NFASC: variants seen among roughly 807,000 people sequenced by gnomAD.
NFASC encodes the protein neurofascin homolog.
Under a neutral mutation model 147.5 loss-of-function variants are expected in NFASC, and 43 were observed. The observed-to-expected ratio is 0.29, with a 90% CI of 0.23 to 0.38. The LOEUF is 0.38. Ranked by LOEUF, NFASC falls within the 10% of genes least tolerant of loss-of-function variation. The pLI is 1.00. For synonymous variants in NFASC, 622 were observed against 665.5 expected (o/e 0.93, Z 1.01); for missense variants, 1,320 against 1,689.0 (o/e 0.78, Z 3.83).
At chr1:204,903,034 C>T (rs2085003517) in intron 1 of NFASC, among the ~76,000 whole-genome samples, 1 of 152,180 alleles carries the variant, frequency 6.6e-6, no homozygotes, top group South Asian at 2.1e-4. Flanking sequence ...ATACCATTCT[C>T]CCATCATATT....
In NFASC at chr1:205,017,378, A is replaced by T. The variant is rs2096370364; in HGVS notation, c.*839A>T. The T allele has an allele frequency of 6.5e-6, 1 of 153,042 alleles. No individual in the cohort carries two copies. Among genetic ancestry groups the T allele is most frequent in the Non-Finnish European group, 1.5e-5 (1 of 68,650 alleles). 9.5% of individuals were successfully genotyped at this position (153,042 alleles called of 1,614,324 possible). A position where few individuals can be genotyped will look rare whatever the true frequency, so the allele number is the denominator to read the frequency against. The stretch of plus-strand genomic sequence containing the variant: ...TTGAGGAACAGGAGTGGGCACTGAT[A>T]GAAAGGACTTCAACGCCAGTGACTG... On this transcript the variant is annotated 3_prime_UTR_variant, in exon 30 of 30. Coordinates refer to ENST00000339876, the MANE Select transcript of NFASC (RefSeq NM_001005388.3).
intron 23 of NFASC, chr1:204,990,612 C>T (rs993515167): frequency 2.0e-5 from 3 of 151,538 alleles, no homozygotes; most frequent in African/African-American, 7.3e-5. Context: ...GGCTCTCAGT[C>T]CAAACTTGGG....
intron 25 of NFASC, chr1:205,000,911 G>A (rs565613452): frequency 3.4e-4 from 175 of 514,064 alleles, no homozygotes; most frequent in Non-Finnish European, 5.1e-4. Context: ...CTCTCCCTCC[G>A]AAGTCCTCCC....
chr1:204,923,348 C>G (rs531641540), intron 2 of NFASC, among the ~76,000 whole-genome samples: 121 of 152,230 alleles, frequency 7.9e-4, no homozygotes, highest in Non-Finnish European at 1.4e-3. Context: ...CCCACTCCAG[C>G]ATGCAGCACC....
chr1:204,840,815 G>A (rs942193977), intron 1 of NFASC, among the ~76,000 whole-genome samples: 2 of 152,224 alleles, frequency 1.3e-5, no homozygotes, highest in Non-Finnish European at 2.9e-5. Flanking sequence ...TTCCAGTGGT[G>A]GGGAGGGCAG....
At chr1:204,848,286 A>G (rs1311138730) in intron 1 of NFASC, among the ~76,000 whole-genome samples, 1 of 152,164 alleles carries the variant, frequency 6.6e-6, no homozygotes, top group Admixed American at 6.5e-5. Flanking sequence ...GCTGGAGTGC[A>G]GTGGCGCAAT....
chr1:204,908,715 T>G (rs2086616803), intron 1 of NFASC, among the ~76,000 whole-genome samples: 1 of 152,108 alleles, frequency 6.6e-6, no homozygotes, highest in African/African-American at 2.4e-5. Context: ...ACCTCCCCCT[T>G]CCTTAACCCC....
At chr1:204,894,517 G>T (rs1037268115) in intron 1 of NFASC, among the ~76,000 whole-genome samples, 5 of 152,210 alleles carry the variant, frequency 3.3e-5, no homozygotes, top group Non-Finnish European at 5.9e-5. Flanking sequence ...AAAGAGCCTA[G>T]ATATTAGCAT....
chr1:204,999,750 G>T (rs2095932799), intron 25 of NFASC: 1 of 152,188 alleles, frequency 6.6e-6, no homozygotes, highest in Admixed American at 6.5e-5. Context: ...TGAAAACCAG[G>T]AGATCTTTTA....
chr1:204,855,559 A>T (rs761784570), intron 1 of NFASC, among the ~76,000 whole-genome samples: 1 of 152,202 alleles, frequency 6.6e-6, no homozygotes. Flanking sequence ...GGCAAGGTGT[A>T]TTATTGAACA....
At chr1:204,906,783 T>C (rs572676486) in intron 1 of NFASC, among the ~76,000 whole-genome samples, 74 of 141,914 alleles carry the variant, frequency 5.2e-4, no homozygotes, top group East Asian at 2.7e-3. Flanking sequence ...CCCGGGCTCA[T>C]GCCATTCTCC....
At chr1:204,858,810 G>A (rs1173919446) in intron 1 of NFASC, among the ~76,000 whole-genome samples, 4 of 152,098 alleles carry the variant, frequency 2.6e-5, no homozygotes, top group African/African-American at 4.8e-5. Flanking sequence ...CCCCACCGGG[G>A]TCGTAACCCT....
chr1:205,005,129 G>GCAT (rs1435871103), intron 27 of NFASC, among the ~76,000 whole-genome samples: 1 of 152,246 alleles, frequency 6.6e-6, no homozygotes, highest in Non-Finnish European at 1.5e-5. Flanking sequence ...TTTGGGAGAA[G>GCAT]CATCTCTTTG....
At chr1:205,007,580 A>C (rs1360854502) in intron 27 of NFASC, among the ~76,000 whole-genome samples, 2 of 152,096 alleles carry the variant, frequency 1.3e-5, no homozygotes, top group Non-Finnish European at 2.9e-5. Context: ...CTATGAAATA[A>C]GAGATAGCAG....
At chr1:204,974,895 A>G in intron 14 of NFASC, 72 bp downstream of exon 14, 3 of 1,483,170 alleles carry the variant, frequency 2.0e-6, no homozygotes, top group Non-Finnish European at 2.8e-6. Context: ...ATCCACATAC[A>G]ATATTCACAT....
chr1:204,927,610 T>TA (rs2091852508), intron 2 of NFASC, among the ~76,000 whole-genome samples: 1 of 152,082 alleles, frequency 6.6e-6, no homozygotes, highest in Non-Finnish European at 1.5e-5. Flanking sequence ...CTATAAAAAA[T>TA]ACTCTCTACC....
At chr1:204,991,881 A>G (rs2095744500) in intron 24 of NFASC, among the ~76,000 whole-genome samples, 1 of 152,224 alleles carries the variant, frequency 6.6e-6, no homozygotes, top group Non-Finnish European at 1.5e-5. Flanking sequence ...CAGGTGCTCC[A>G]GTTCCTGGAG....
intron 5 of NFASC, among the ~76,000 whole-genome samples, chr1:204,952,325 A>C (rs2149971449): frequency 6.6e-6 from 1 of 152,348 alleles, no homozygotes; most frequent in South Asian, 2.1e-4. Flanking sequence ...GCTTAAGTTC[A>C]CACCAAAAGC....
intron 21 of NFASC, among the ~76,000 whole-genome samples, chr1:204,983,267 C>G (rs1558362726): frequency 6.6e-6 from 1 of 152,096 alleles, no homozygotes; most frequent in Non-Finnish European, 1.5e-5. Flanking sequence ...CCTTCCCTTT[C>G]CAGGTAGTCG....
Sources: gnomAD v4.1 joint callset for allele counts (sites outside exome capture counted in the v4.1 genomes callset) on GRCh38, gnomAD v4.1.1 for gene constraint, MANE v1.5 for transcripts, NCBI Gene and HGNC (gene_info 2026-07-23, HGNC 2026-07-21) for gene names.